The following HMCN1 variants were observed in gnomAD, a reference collection of about 807,000 sequenced individuals.
The protein encoded by HMCN1 is hemicentin-1.
A neutral mutation model predicts 625.9 loss-of-function variants in HMCN1; 321 were observed. The ratio of observed to expected loss-of-function variants is 0.51; its 90% CI spans 0.47 to 0.56. The LOEUF (loss-of-function observed/expected upper bound fraction) is 0.56, where lower values mean the gene tolerates loss of function less well. Ranked by LOEUF, HMCN1 falls within the 20% of genes least tolerant of loss-of-function variation. The pLI is 0.00. For missense variants in HMCN1, 6,588 were observed against 6,887.3 expected (o/e 0.96, Z 1.54); for synonymous variants, 2,425 against 2,417.6 (o/e 1.00, Z -0.09).
chr1:185,930,937 CACACACAG>C (rs898838924), intron 10 of HMCN1, among the ~76,000 whole-genome samples: 1 of 151,770 alleles, frequency 6.6e-6, no homozygotes, highest in African/African-American at 2.4e-5. Context: ...CACACACACA[CACACACAG>C]AGTACTAAAA....
At chr1:186,063,204 T>C (rs1293040392) in intron 48 of HMCN1, among the ~76,000 whole-genome samples, 1 of 150,370 alleles carries the variant, frequency 6.7e-6, no homozygotes, top group Non-Finnish European at 1.5e-5. Context: ...TGCAGGTATC[T>C]TTTTGTTATG....
At chr1:185,864,975 G>A (rs1164798462) in intron 3 of HMCN1, among the ~76,000 whole-genome samples, 1 of 152,220 alleles carries the variant, frequency 6.6e-6, no homozygotes, top group Non-Finnish European at 1.5e-5. Flanking sequence ...CTGAGTCAGA[G>A]TTACTCATTG....
intron 4 of HMCN1, among the ~76,000 whole-genome samples, chr1:185,867,469 A>G (rs950638284): frequency 6.6e-6 from 1 of 152,028 alleles, no homozygotes; most frequent in Admixed American, 6.6e-5. Context: ...ATTCTGTAAG[A>G]CTCTAGGGTA....
chr1:185,763,723 G>A (rs1177390347), intron 1 of HMCN1, among the ~76,000 whole-genome samples: 4 of 152,240 alleles, frequency 2.6e-5, no homozygotes, highest in Non-Finnish European at 5.9e-5. Flanking sequence ...GCATGGGGCA[G>A]GTACTTTTAT....
intron 1 of HMCN1, among the ~76,000 whole-genome samples, chr1:185,757,800 C>A (rs1025547508): frequency 6.6e-6 from 1 of 152,080 alleles, no homozygotes; most frequent in Non-Finnish European, 1.5e-5. Flanking sequence ...TTCATGAAAC[C>A]TTTCAGAGTG....
At chr1:185,914,523 G>C (rs1571551555) in intron 6 of HMCN1, among the ~76,000 whole-genome samples, 1 of 152,078 alleles carries the variant, frequency 6.6e-6, no homozygotes, top group South Asian at 2.1e-4. Context: ...AATCTTTCTA[G>C]TTATCTTCTA....
At chr1:186,119,322 C>T (rs962172442) in intron 78 of HMCN1, 24 bp downstream of exon 78, 4 of 1,562,316 alleles carry the variant, frequency 2.6e-6, no homozygotes, top group African/African-American at 1.4e-5. Flanking sequence ...TTTACTCATT[C>T]AAAGTTCGCT....
In HMCN1 at chr1:186,117,135, T is replaced by A; in HGVS notation, c.11683+20T>A. The A allele has an allele frequency of 6.2e-7, 1 of 1,612,550 alleles. No individual in the cohort carries two copies. Among genetic ancestry groups the A allele is most frequent in the Non-Finnish European group, 8.5e-7 (1 of 1,179,156 alleles). ...TCCAAGGTAGAATTGGCTTGGAACA[T>A]GGATTGAAACATGATAATGCTATCA... On this transcript the variant is annotated intron_variant, in intron 76 of 106. Transcript: ENST00000271588.
intron 89 of HMCN1, among the ~76,000 whole-genome samples, chr1:186,143,399 G>A (rs528663563): frequency 1.3e-5 from 2 of 152,268 alleles, no homozygotes; most frequent in African/African-American, 4.8e-5. Context: ...GTATTCACGT[G>A]TATATAAGGA....
At chr1:185,858,208 ACT>A (rs1159922691) in intron 2 of HMCN1, among the ~76,000 whole-genome samples, 2 of 152,324 alleles carry the variant, frequency 1.3e-5, no homozygotes, top group African/African-American at 4.8e-5. Context: ...CTCTCTCAGC[ACT>A]TGGCTCAGAG....
chr1:185,922,282 T>G, intron 6 of HMCN1, 97 bp from the exon 7 acceptor site: 2 of 1,338,888 alleles, frequency 1.5e-6, no homozygotes, highest in Non-Finnish European at 2.1e-6. Flanking sequence ...ACATCGATCC[T>G]AATTAAATAT....
At position 186,059,894 on chromosome 1, in the gene HMCN1, C is replaced by T. The variant is rs375493748; in HGVS notation, c.7313-1957C>T. Reference sequence around the variant, plus strand: ...AAAAGAGAAAAGGAGAATCGTGAAACTTATGAGGTTGACGTTTGTAGAGCC... The same window carrying T: ...AAAAGAGAAAAGGAGAATCGTGAAATTTATGAGGTTGACGTTTGTAGAGCC... On this transcript the variant is annotated intron_variant, in intron 46 of 106. Coordinates refer to ENST00000271588, the MANE Select transcript of HMCN1 (RefSeq NM_031935.3). Among the ~76,000 whole-genome samples the T allele has an allele frequency of 3.0e-4, 46 of 151,948 alleles. 1 individual carries two copies. Among genetic ancestry groups the T allele is most frequent in the Non-Finnish European group, 5.9e-4 (40 of 67,970 alleles).
intron 1 of HMCN1, among the ~76,000 whole-genome samples, chr1:185,775,808 A>G (rs1226711056): frequency 6.6e-6 from 1 of 152,166 alleles, no homozygotes; most frequent in Non-Finnish European, 1.5e-5. Context: ...TTCTCTTCTG[A>G]AAGGGGCTTA....
At chr1:185,842,513 G>A in intron 1 of HMCN1, among the ~76,000 whole-genome samples, 1 of 150,656 alleles carries the variant, frequency 6.6e-6, no homozygotes, top group Non-Finnish European at 1.5e-5. Context: ...GCAGTGAGCT[G>A]TGATCATGCC....
chr1:186,183,968 C>T (rs116319844), intron 105 of HMCN1, among the ~76,000 whole-genome samples: 8 of 152,246 alleles, frequency 5.3e-5, no homozygotes, highest in African/African-American at 1.9e-4. Flanking sequence ...GGGCAGATAC[C>T]GAAGCATTTG....
intron 105 of HMCN1, among the ~76,000 whole-genome samples, chr1:186,182,545 T>C (rs886192942): frequency 3.0e-4 from 45 of 152,336 alleles, no homozygotes; most frequent in Non-Finnish European, 5.1e-4. Context: ...GTTCATATTA[T>C]ATATTTTTAA....
chr1:186,183,080 T>C (rs925284417), intron 105 of HMCN1, among the ~76,000 whole-genome samples: 1 of 152,204 alleles, frequency 6.6e-6, no homozygotes, highest in African/African-American at 2.4e-5. Flanking sequence ...TTGAATTTTG[T>C]AGACAAAATC....
intron 11 of HMCN1, among the ~76,000 whole-genome samples, chr1:185,956,709 C>T (rs567656627): frequency 6.6e-6 from 1 of 152,130 alleles, no homozygotes; most frequent in Non-Finnish European, 1.5e-5. Flanking sequence ...TCGCTGCCTT[C>T]ATCTCCTCTC....
intron 68 of HMCN1, among the ~76,000 whole-genome samples, chr1:186,098,050 C>G (rs924614510): frequency 6.6e-6 from 1 of 151,950 alleles, no homozygotes; most frequent in African/African-American, 2.4e-5. Context: ...CAAAAATCAA[C>G]TCAAAATGGA....
Sources: allele counts gnomAD v4.1 joint callset (sites outside exome capture counted in the v4.1 genomes callset), GRCh38; gene constraint gnomAD v4.1.1; transcripts MANE v1.5; gene names NCBI Gene and HGNC (gene_info 2026-07-23, HGNC 2026-07-21).